Variants in COL11A1 observed in about 807,000 individuals in gnomAD.
The protein encoded by COL11A1 is collagen type XI alpha 1 chain, also known as collagen alpha-1(XI) chain.
Under a neutral mutation model 265.2 loss-of-function variants are expected in COL11A1, and 74 were observed. That is an observed-to-expected ratio of 0.28 (90% confidence interval 0.23 to 0.34). The LOEUF (loss-of-function observed/expected upper bound fraction) is 0.34. Among genes scored for constraint, COL11A1 ranks in the 10% least tolerant of loss-of-function variants. The pLI is 1.00. For missense variants in COL11A1, 2,165 were observed against 2,263.6 expected, an observed-to-expected ratio of 0.96 and a Z score of 0.88; for synonymous variants, 816 against 727.6, an observed-to-expected ratio of 1.12 and a Z score of -1.96.
At chr1:103,084,571 A>G (rs2102334160) in intron 1 of COL11A1, among the ~76,000 whole-genome samples, 1 of 150,348 alleles carries the variant, frequency 6.7e-6, no homozygotes, top group East Asian at 2.0e-4. Context: ...TCAAAACAGT[A>G]CACTACATGA....
At chr1:102,923,552 C>T (rs1275276565) in intron 46 of COL11A1, among the ~76,000 whole-genome samples, 163 bp from the exon 47 acceptor site, 1 of 151,954 alleles carries the variant, frequency 6.6e-6, no homozygotes, top group African/African-American at 2.4e-5. Context: ...AAATGTTGAC[C>T]ACATGTGATA....
Position 103,108,070 on chromosome 1 carries a change from T to A in COL11A1, c.106+3A>T. On this transcript the variant is annotated splice_donor_region_variant and intron_variant, in intron 1 of 66. Coordinates refer to ENST00000370096, the MANE Select transcript of COL11A1 (RefSeq NM_001854.4). ...CCACCTCCCCAAATCCATTTTTTCT[T>A]ACCTCCTCTGACCTCTCTAGCTTGG... 6.2e-7 allele frequency: 1 copy of A among 1,613,036 alleles called. No individual in the cohort carries two copies. The highest frequency in any genetic ancestry group is 8.5e-7 in the Non-Finnish European group (1 of 1,179,278).
intron 24 of COL11A1, among the ~76,000 whole-genome samples, chr1:103,000,368 CA>C (rs36041672): frequency 0.036 from 5,505 of 151,892 alleles, 136 homozygotes; most frequent in Middle Eastern, 0.092. Context: ...AAAGTACTTT[CA>C]AAACCACTTA....
intron 5 of COL11A1, among the ~76,000 whole-genome samples, chr1:103,028,905 G>T (rs959615154): frequency 2.0e-5 from 3 of 151,990 alleles, no homozygotes; most frequent in African/African-American, 7.2e-5. Flanking sequence ...TATAAGATAG[G>T]AAGATAATTT....
intron 4 of COL11A1, among the ~76,000 whole-genome samples, chr1:103,034,192 G>C (rs542168202): frequency 2.4e-4 from 37 of 152,120 alleles, no homozygotes; most frequent in African/African-American, 8.7e-4. Flanking sequence ...GATTTTACAA[G>C]TTTATCAGAT....
chr1:102,906,470 C>T (rs1456863601), intron 54 of COL11A1, among the ~76,000 whole-genome samples: 1 of 152,068 alleles, frequency 6.6e-6, no homozygotes, highest in South Asian at 2.1e-4. Context: ...TACAGTAGAA[C>T]AATCATGACT....
rs759287748 is a variant in COL11A1, at chr1:102,887,004, G to A, written c.4661C>T (p.Thr1554Met). Residue 1554 changes from threonine to methionine, a missense_variant, in exon 63 of 67, where the codon ACG becomes ATG. Thr to Met is a moderately conservative substitution (Grantham distance 81, BLOSUM62 -1). Coordinates refer to ENST00000370096, the MANE Select transcript of COL11A1 (RefSeq NM_001854.4). Reference sequence around the variant, plus strand: ...TTGCATGCCTTCAGTATGTCTTCTCGTTTTTTTGGAGGACAAGATTGGTAA... The same window carrying A: ...TTGCATGCCTTCAGTATGTCTTCTCATTTTTTTGGAGGACAAGATTGGTAA... ...QPLPILSSKKTRRHTEGMQAD... is the reference protein window; with the variant it reads ...QPLPILSSKKMRRHTEGMQAD... 3.0e-5 allele frequency: 48 copies of A among 1,613,560 alleles called. No individual in the cohort carries two copies. Among genetic ancestry groups the A allele is most frequent in the African/African-American group, 1.9e-4 (14 of 74,860 alleles).
At chr1:102,974,270 A>T (rs1009775872) in intron 36 of COL11A1, among the ~76,000 whole-genome samples, 5 of 152,244 alleles carry the variant, frequency 3.3e-5, no homozygotes, top group African/African-American at 1.2e-4. Context: ...AATTAACTTT[A>T]TGAAGATGCT....
At chr1:102,934,981 G>T in intron 45 of COL11A1, 79 bp downstream of exon 45, 2 of 1,344,692 alleles carry the variant, frequency 1.5e-6, no homozygotes, top group South Asian at 2.4e-5. Context: ...CCACAAAATT[G>T]ACTGGTTATG....
intron 4 of COL11A1, among the ~76,000 whole-genome samples, chr1:103,046,823 T>C (rs1298620448): frequency 6.6e-6 from 1 of 151,650 alleles, no homozygotes; most frequent in Non-Finnish European, 1.5e-5. Flanking sequence ...TTTCTACATA[T>C]GGCTAGCCAG....
At chr1:103,035,088 A>C (rs976457262) in intron 4 of COL11A1, among the ~76,000 whole-genome samples, 1 of 152,124 alleles carries the variant, frequency 6.6e-6, no homozygotes, top group South Asian at 2.1e-4. Context: ...ACACTCCTAC[A>C]GTTTACAACA....
At chr1:103,001,322 C>T (rs1665085195) in intron 24 of COL11A1, 2 of 394,786 alleles carry the variant, frequency 5.1e-6, no homozygotes, top group Non-Finnish European at 4.5e-6. Flanking sequence ...TAGAAATCAA[C>T]AAAAATAATG....
intron 4 of COL11A1, among the ~76,000 whole-genome samples, chr1:103,039,174 C>A (rs2102038846): frequency 6.6e-6 from 1 of 152,282 alleles, no homozygotes; most frequent in Non-Finnish European, 1.5e-5. Context: ...CCTATACCTG[C>A]AGACTATCAG....
At chr1:103,009,555 T>A (rs1212735791) in intron 14 of COL11A1, among the ~76,000 whole-genome samples, 1 of 152,150 alleles carries the variant, frequency 6.6e-6, no homozygotes, top group Non-Finnish European at 1.5e-5. Flanking sequence ...GCAACACATA[T>A]CCCCAAAAAC....
At chr1:102,970,390 G>T (rs1018525862) in intron 36 of COL11A1, 118 bp from the exon 37 acceptor site, 4 of 716,396 alleles carry the variant, frequency 5.6e-6, no homozygotes, top group East Asian at 5.6e-5. Flanking sequence ...ATTTTACTTT[G>T]CTCTTCTGTT....
chr1:102,962,639 G>A lies in COL11A1; in HGVS notation c.3024+14C>T. ...AGTTTTGGGCCAAAAAAAGTTTTCT[G>A]AAGCATGTTGTACCTTTGCACCTTC... is the stretch of plus-strand genomic sequence containing the variant. On this transcript the variant is annotated intron_variant, in intron 39 of 66. Coordinates refer to ENST00000370096, the MANE Select transcript of COL11A1 (RefSeq NM_001854.4). 6.2e-7 allele frequency: 1 copy of A among 1,613,576 alleles called. No homozygotes were observed. The highest frequency in any genetic ancestry group is 8.5e-7 in the Non-Finnish European group (1 of 1,179,586).
chr1:102,887,403 G>A (rs182354593), intron 62 of COL11A1, among the ~76,000 whole-genome samples: 1 of 152,100 alleles, frequency 6.6e-6, no homozygotes, highest in Admixed American at 6.6e-5. Context: ...AGATTGTAAA[G>A]TCTCTGAGGA....
intron 4 of COL11A1, among the ~76,000 whole-genome samples, chr1:103,058,448 T>C (rs1475823490): frequency 6.6e-6 from 1 of 152,198 alleles, no homozygotes; most frequent in Non-Finnish European, 1.5e-5. Context: ...TTTAAAAATA[T>C]TTTCCTTTGC....
intron 21 of COL11A1, 62 bp downstream of exon 21, chr1:103,003,153 C>G: frequency 6.4e-7 from 1 of 1,551,080 alleles, no homozygotes; most frequent in Admixed American, 1.7e-5. Flanking sequence ...GCTTTTATGG[C>G]CTCTAAAAGG....
Sources: allele counts gnomAD v4.1 joint callset (sites outside exome capture counted in the v4.1 genomes callset), GRCh38; gene constraint gnomAD v4.1.1; transcripts MANE v1.5; gene names NCBI Gene and HGNC (gene_info 2026-07-23, HGNC 2026-07-21).